Variants in CAST observed in about 807,000 individuals in gnomAD.
CAST encodes the protein calpastatin, also known as MIR583 host.
Under a neutral mutation model 119.6 loss-of-function variants are expected in CAST, and 76 were observed. The observed-to-expected ratio is 0.64, with a 90% CI of 0.53 to 0.77. The LOEUF (loss-of-function observed/expected upper bound fraction) is 0.77. CAST is among the 30% of genes least tolerant of loss of function. The pLI is 0.00. For synonymous variants in CAST, 319 were observed against 331.6 expected (o/e 0.96, Z 0.41); for missense variants, 953 against 946.5 (o/e 1.01, Z -0.09).
the CAST span, among the ~76,000 whole-genome samples, chr5:96,462,467 AG>A: frequency 6.6e-6 from 1 of 152,148 alleles, no homozygotes; most frequent in African/African-American, 2.4e-5. Context: ...GCATATTAGT[AG>A]TACATGCTTT....
At chr5:96,639,292 G>T (rs1747922184) in intron 1 of CAST, among the ~76,000 whole-genome samples, 1 of 152,184 alleles carries the variant, frequency 6.6e-6, no homozygotes, top group Non-Finnish European at 1.5e-5. Flanking sequence ...GAGGTATTTG[G>T]AGAGTGCTGT....
chr5:96,212,091 T>C, the CAST span, among the ~76,000 whole-genome samples: 1 of 152,126 alleles, frequency 6.6e-6, no homozygotes, highest in Non-Finnish European at 1.5e-5. Flanking sequence ...TTTAGTTTTA[T>C]TGATTTTTTG....
At chr5:95,986,855 A>G in the CAST span, among the ~76,000 whole-genome samples, 1 of 152,188 alleles carries the variant, frequency 6.6e-6, no homozygotes, top group African/African-American at 2.4e-5. Context: ...AGCATCTATT[A>G]TGTGCCAGGG....
chr5:96,619,596 C>G (rs367750485), intron 1 of CAST, among the ~76,000 whole-genome samples: 5 of 152,174 alleles, frequency 3.3e-5, no homozygotes, highest in African/African-American at 7.2e-5. Context: ...TTTGGGTCTG[C>G]GCTTCCTTTA....
chr5:96,376,006 C>A, the CAST span, among the ~76,000 whole-genome samples: 1 of 149,872 alleles, frequency 6.7e-6, no homozygotes, highest in Non-Finnish European at 1.5e-5. Context: ...TACATTCACC[C>A]ACAAGACCAT....
Position 96,740,776 on chromosome 5 carries a change from A to G in CAST, c.911A>G (p.Asp304Gly). 6.3e-7 allele frequency: 1 copy of G among 1,596,036 alleles called. No individual in the cohort carries two copies. The highest frequency in any genetic ancestry group is 1.1e-5 in the South Asian group (1 of 90,696). The change falls in exon 13 of 32, where the codon GAC becomes GGC. Residue 304 changes from aspartate to glycine, a missense_variant. By Grantham distance (94) the Asp-to-Gly change is moderately conservative (BLOSUM62 -1). Coordinates refer to ENST00000675179, the MANE Select transcript of CAST (RefSeq NM_001750.7). ...KKEGITGPPA[D>G]SSKPIGPDDA... ...GAAGGGATCACAGGGCCTCCTGCAG[A>G]CTCTTCGGTGAGTTTACATACATGT...
intron 29 of CAST, chr5:96,768,250 A>AT (rs1356582961): frequency 8.7e-6 from 4 of 459,854 alleles, no homozygotes; most frequent in East Asian, 4.6e-5. Context: ...CACCCAGCTA[A>AT]TTTTTGTATT....
chr5:96,014,765 G>T, the CAST span, among the ~76,000 whole-genome samples: 4 of 152,154 alleles, frequency 2.6e-5, no homozygotes, highest in African/African-American at 7.2e-5. Context: ...GATGTATGCA[G>T]ATGGGATTTT....
At chr5:96,065,500 A>G in the CAST span, among the ~76,000 whole-genome samples, 3 of 152,086 alleles carry the variant, frequency 2.0e-5, no homozygotes, top group South Asian at 4.1e-4. Flanking sequence ...TACTGTGTAT[A>G]TATTACAACA....
chr5:96,444,044 G>T, the CAST span, among the ~76,000 whole-genome samples: 352 of 152,270 alleles, frequency 2.3e-3, 1 homozygote, highest in African/African-American at 8.2e-3. Context: ...GAAGGAAAAA[G>T]CAAATTAAGT....
At chr5:96,137,346 A>AT in the CAST span, among the ~76,000 whole-genome samples, 635 of 152,194 alleles carry the variant, frequency 4.2e-3, 3 homozygotes, top group African/African-American at 6.7e-3. Flanking sequence ...TTTATAGCTC[A>AT]TTTTTTTATT....
chr5:96,345,612 A>G, the CAST span, among the ~76,000 whole-genome samples: 1 of 152,192 alleles, frequency 6.6e-6, no homozygotes, highest in African/African-American at 2.4e-5. Flanking sequence ...GCTGGGTATC[A>G]CTGGCTCAGG....
chr5:96,043,575 C>T, the CAST span, among the ~76,000 whole-genome samples: 6 of 152,130 alleles, frequency 3.9e-5, no homozygotes, highest in Non-Finnish European at 8.8e-5. Flanking sequence ...TAACTGCCTC[C>T]CTGGTCACAA....
the CAST span, among the ~76,000 whole-genome samples, chr5:96,356,291 C>G: frequency 6.6e-6 from 1 of 152,260 alleles, no homozygotes; most frequent in Non-Finnish European, 1.5e-5. Context: ...GTTGCCTGTT[C>G]ACTCTGAGGA....
chr5:96,053,312 G>A, the CAST span, among the ~76,000 whole-genome samples: 2 of 152,194 alleles, frequency 1.3e-5, no homozygotes, highest in Non-Finnish European at 2.9e-5. Context: ...AGCCAAGGTT[G>A]AGAGCCATTG....
At chr5:95,986,754 G>A in the CAST span, among the ~76,000 whole-genome samples, 1 of 152,174 alleles carries the variant, frequency 6.6e-6, no homozygotes, top group Non-Finnish European at 1.5e-5. Context: ...ATTTTTCACA[G>A]TTAGATATCT....
At chr5:96,033,487 GT>G in the CAST span, among the ~76,000 whole-genome samples, 1 of 151,990 alleles carries the variant, frequency 6.6e-6, no homozygotes, top group South Asian at 2.1e-4. Flanking sequence ...AGGCCCCCAA[GT>G]AAATCCACAC....
upstream of CAST, among the ~76,000 whole-genome samples, chr5:96,521,654 T>A (rs1745520550): frequency 6.6e-6 from 1 of 152,216 alleles, no homozygotes; most frequent in Non-Finnish European, 1.5e-5. Flanking sequence ...TTCTCTCTCC[T>A]CACTCAATAG....
the CAST span, among the ~76,000 whole-genome samples, chr5:96,249,886 C>G: frequency 6.6e-6 from 1 of 152,250 alleles, no homozygotes; most frequent in South Asian, 2.1e-4. Flanking sequence ...TGGCATTCAT[C>G]CTATGCTTGA....
Sources: allele counts gnomAD v4.1 joint callset (sites outside exome capture counted in the v4.1 genomes callset), GRCh38; gene constraint gnomAD v4.1.1; transcripts MANE v1.5; gene names NCBI Gene and HGNC (gene_info 2026-07-23, HGNC 2026-07-21).